Variants in ZBED6 observed in about 807,000 individuals in gnomAD.
The protein encoded by ZBED6 is zinc finger BED-type containing 6.
In ZBED6, 40 loss-of-function variants were observed where a neutral mutation model predicts 58.4. The ratio of observed to expected loss-of-function variants is 0.68; its 90% CI spans 0.53 to 0.89. The LOEUF (loss-of-function observed/expected upper bound fraction) is 0.89, where lower values mean the gene tolerates loss of function less well. Among genes scored for constraint, ZBED6 ranks in the 40% least tolerant of loss-of-function variants. The probability of loss-of-function intolerance (pLI) is 0.00; values close to 1 mark genes in which losing one functional copy is unlikely to be tolerated. For synonymous variants in ZBED6, 439 were observed against 350.6 expected, an observed-to-expected ratio of 1.25 and a Z score of -2.82; for missense variants, 1,057 against 1,003.9, an observed-to-expected ratio of 1.05 and a Z score of -0.71.
At chr1:203,800,928 A>AC (rs1314623809) in exon 1 of ZBED6, 1 of 152,400 alleles carries the variant, frequency 6.6e-6, no homozygotes, top group Non-Finnish European at 1.5e-5. Flanking sequence ...CAAAAAGAAA[A>AC]CCCGTGAAAT....
intron 3 of ZBED6, among the ~76,000 whole-genome samples, chr1:203,821,895 T>C (rs753557736): frequency 5.3e-5 from 8 of 152,020 alleles, no homozygotes; most frequent in Non-Finnish European, 1.0e-4. Flanking sequence ...GTAGCTGGGA[T>C]TACAGGTGCC....
intron 7 of ZBED6, 117 bp from the exon 8 acceptor site, chr1:203,831,544 T>C (rs558612407): frequency 3.6e-5 from 28 of 780,144 alleles, no homozygotes; most frequent in Non-Finnish European, 5.1e-5. Flanking sequence ...GCTGATTGGC[T>C]TATAGTCATA....
intron 3 of ZBED6, among the ~76,000 whole-genome samples, chr1:203,819,286 A>G (rs1572079369): frequency 1.3e-5 from 2 of 149,480 alleles, no homozygotes; most frequent in East Asian, 2.0e-4. Flanking sequence ...CAGTGGCGCA[A>G]TCTCTGCTTA....
intron 1 of ZBED6, among the ~76,000 whole-genome samples, chr1:203,809,761 C>G (rs887689099): frequency 6.6e-6 from 1 of 152,046 alleles, no homozygotes; most frequent in African/African-American, 2.4e-5. Flanking sequence ...CGAGACCAAT[C>G]TGGCCAACAT....
chr1:203,818,686 T>A (rs369128980), exon 3 of ZBED6: 2 of 1,613,974 alleles, frequency 1.2e-6, no homozygotes, highest in Non-Finnish European at 1.7e-6. Context: ...ACATGGAGAT[T>A]GATGTAAGTT....
intron 13 of ZBED6, among the ~76,000 whole-genome samples, chr1:203,849,027 G>C (rs1211214828): frequency 6.6e-6 from 1 of 152,148 alleles, no homozygotes; most frequent in East Asian, 1.9e-4. Flanking sequence ...TGGGATCAAA[G>C]GCATGCACCA....
rs79310402 is a variant in ZBED6 at position 203,805,711 on chromosome 1, G to A, written c.*2554+2695G>A. On this transcript the variant is annotated intron_variant, in intron 1 of 16. Transcript: ENST00000550078. ...GGGAACACCTTCTGGAATTGCAGGT[G>A]CAGATGCTGGCTCATCTAAATAGAA... 2,991 of 660,244 alleles carry A rather than the reference G, an allele frequency of 4.5e-3. 63 individuals carry two copies. The highest frequency in any genetic ancestry group is 0.029 in the East Asian group (783 of 26,586). 40.9% of individuals were successfully genotyped at this position (660,244 alleles called of 1,614,324 possible).
intron 3 of ZBED6, among the ~76,000 whole-genome samples, chr1:203,821,322 T>A (rs553180896): frequency 1.1e-4 from 16 of 152,250 alleles, no homozygotes; most frequent in South Asian, 6.2e-4. Context: ...CTTTTTTTTT[T>A]AAATAAATTT....
At chr1:203,837,206 G>A (rs1346429870) in intron 9 of ZBED6, among the ~76,000 whole-genome samples, 14 of 151,020 alleles carry the variant, frequency 9.3e-5, no homozygotes, top group Admixed American at 7.3e-4. Flanking sequence ...TGGGAGGATC[G>A]CTTGAGCCTA....
exon 1 of ZBED6, chr1:203,800,057 C>T: frequency 6.5e-7 from 1 of 1,536,084 alleles, no homozygotes; most frequent in Non-Finnish European, 8.7e-7. Context: ...CTGTTGATAG[C>T]TCAGCTGTAG....
At chr1:203,821,590 G>A (rs948629817) in intron 3 of ZBED6, among the ~76,000 whole-genome samples, 2 of 152,130 alleles carry the variant, frequency 1.3e-5, no homozygotes, top group Middle Eastern at 3.4e-3. Flanking sequence ...CCTGTATTCG[G>A]CCATTTATCC....
At position 203,829,846 on chromosome 1, in the gene ZBED6, A is replaced by G. The variant is rs570377510; in HGVS notation, c.*3268A>G. 58 of 1,614,180 alleles carry G rather than the reference A, an allele frequency of 3.6e-5. No individual in the cohort carries two copies. The highest frequency in any genetic ancestry group is 4.3e-5 in the Non-Finnish European group (51 of 1,180,040). On this transcript the variant is annotated 3_prime_UTR_variant, in exon 6 of 17. Transcript: ENST00000550078. ...CTGCAACCAACTCCTGAAGTTCACA[A>G]TGGATTACGAGTGACTTCTGTCCGG...
chr1:203,806,097 C>A, intron 1 of ZBED6: 1 of 498,690 alleles, frequency 2.0e-6, no homozygotes, highest in South Asian at 1.6e-5. Flanking sequence ...TAATCATATT[C>A]TTTGTAGGAC....
chr1:203,852,059 T>C, intron 16 of ZBED6, 82 bp from the exon 17 acceptor site: 4 of 1,515,530 alleles, frequency 2.6e-6, no homozygotes, highest in Non-Finnish European at 2.7e-6. Flanking sequence ...AAATTTTTGC[T>C]CACTTTGTGT....
chr1:203,835,864 C>A, intron 9 of ZBED6: 1 of 245,000 alleles, frequency 4.1e-6, no homozygotes, highest in South Asian at 5.9e-5. Context: ...TTCCGGAGAC[C>A]CCACTTATAG....
chr1:203,805,116 A>C (rs993841805), intron 1 of ZBED6, among the ~76,000 whole-genome samples: 1 of 151,638 alleles, frequency 6.6e-6, no homozygotes, highest in Non-Finnish European at 1.5e-5. Context: ...CCACAGAATC[A>C]AAATACCCAC....
chr1:203,847,808 C>G, intron 12 of ZBED6, 121 bp downstream of exon 12: 1 of 1,410,680 alleles, frequency 7.1e-7, no homozygotes, highest in Non-Finnish European at 9.5e-7. Flanking sequence ...GTTGAAAACA[C>G]TGAATTAAAT....
intron 16 of ZBED6, among the ~76,000 whole-genome samples, 173 bp from the exon 17 acceptor site, chr1:203,851,968 C>CAAA (rs57160781): frequency 1.5e-4 from 7 of 45,842 alleles, no homozygotes; most frequent in East Asian, 8.2e-4. Context: ...GACTCTGCCT[C>CAAA]AAAAAAAAAA....
chr1:203,800,347 T>C (rs1246529089), exon 1 of ZBED6: 7 of 899,150 alleles, frequency 7.8e-6, no homozygotes, highest in Non-Finnish European at 1.2e-5. Context: ...GAACAACTGA[T>C]GTTTCTGAAA....
Sources: gnomAD v4.1 joint callset for allele counts (sites outside exome capture counted in the v4.1 genomes callset) on GRCh38, gnomAD v4.1.1 for gene constraint, MANE v1.5 for transcripts, NCBI Gene and HGNC (gene_info 2026-07-23, HGNC 2026-07-21) for gene names.